Variants in DCTN1 observed in about 807,000 individuals in gnomAD.
The protein encoded by DCTN1 is 150 kDa dynein-associated polypeptide.
DCTN1 carries 61 observed loss-of-function variants against 161.2 expected under a neutral mutation model. The ratio of observed to expected loss-of-function variants is 0.38; its 90% CI spans 0.31 to 0.47. The LOEUF (loss-of-function observed/expected upper bound fraction) is 0.47, where lower values mean the gene tolerates loss of function less well. DCTN1 is among the 20% of genes least tolerant of loss of function. DCTN1 has a pLI of 0.99. For synonymous variants in DCTN1, 653 were observed against 632.4 expected, an observed-to-expected ratio of 1.03 and a Z score of -0.49; for missense variants, 1,404 against 1,623.7, an observed-to-expected ratio of 0.86 and a Z score of 2.33.
At chr2:74,382,191 T>G (rs1174748378), upstream of DCTN1, among the ~76,000 whole-genome samples, 1 of 152,206 alleles carries the variant, frequency 6.6e-6, no homozygotes, top group Non-Finnish European at 1.5e-5. Flanking sequence ...ACTAACCACA[T>G]AGGTATCAAT....
intron 5 of DCTN1, 43 bp from the exon 6 acceptor site, chr2:74,374,383 AAGAGGAGGGAC>A (rs1202336640): frequency 6.2e-7 from 1 of 1,612,266 alleles, no homozygotes; most frequent in Admixed American, 1.7e-5. Context: ...AAGGAGAGGA[AAGAGGAGGGAC>A]AGAGGAGGAT....
At chr2:74,374,454 C>T (rs1675099702) in intron 5 of DCTN1, 114 bp from the exon 6 acceptor site, 3 of 1,573,086 alleles carry the variant, frequency 1.9e-6, no homozygotes, top group Admixed American at 1.9e-5. Flanking sequence ...GGCAAGAGAC[C>T]GAACAGAGGG....
chr2:74,363,008 G>A lies in DCTN1; in HGVS notation c.3515C>T (p.Thr1172Ile), dbSNP rs1674130123. 10 of 1,613,468 alleles carry A rather than the reference G, an allele frequency of 6.2e-6. No homozygotes were observed. The highest frequency in any genetic ancestry group is 8.5e-6 in the Non-Finnish European group (10 of 1,179,730). ...CAGGTACATACCAGGGCTGGTGCGA[G>A]TGATGTCTACTACGTGCGTGTGTGT... ...LSTHTHVVDITRTSPAAKSPS... is the reference protein window; with the variant it reads ...LSTHTHVVDIIRTSPAAKSPS... The change falls in exon 29 of 32, where the codon ACT (threonine) becomes ATT (isoleucine). Residue 1172 changes from threonine (T) to isoleucine (I), a missense_variant. Physicochemically the swap from Thr to Ile is moderately conservative, Grantham distance 89 (BLOSUM62 -1). Coordinates refer to ENST00000628224, the MANE Select transcript of DCTN1 (RefSeq NM_004082.5).
Position 74,370,843 on chromosome 2 carries a change from G to C in DCTN1, c.844-18C>G. On this transcript the variant is annotated intron_variant, in intron 9 of 31. Transcript: ENST00000628224. The surrounding 1 kb of genome is among the most constrained non-coding windows in gnomAD (Gnocchi z 4.4). ...TTGGCTTCCTGAGGAAGAAGTGGAG[G>C]TGGGAGGGGGTACCAGCACAGAGAT... 1 of 1,614,134 alleles carries C rather than the reference G, an allele frequency of 6.2e-7. No homozygotes were observed. The highest frequency in any genetic ancestry group is 1.1e-5 in the South Asian group (1 of 91,088).
At position 74,362,110 on chromosome 2, in the gene DCTN1, CGCT is replaced by C. The variant is rs1364182022; in HGVS notation, c.3638_3640del (p.Gln1213del). ...GTCAGTGGGTACTGTGGCTCCAGGG[CGCT>C]GAGATACTGTCTCCTTGAGGACCTC... On this transcript the variant is annotated inframe_deletion, in exon 31 of 32. Transcript: ENST00000628224. 6.2e-7 allele frequency: 1 copy of C among 1,613,608 alleles called. No homozygotes were observed. Among genetic ancestry groups the C allele is most frequent in the Non-Finnish European group, 8.5e-7 (1 of 1,179,832 alleles).
chr2:74,387,916 T>C (rs57545492), intron 1 of DCTN1, among the ~76,000 whole-genome samples: 19,160 of 152,204 alleles, frequency 0.13, 1,589 homozygotes, highest in East Asian at 0.46. Context: ...CCAAGCACAG[T>C]GGCTACACCT....
intron 31 of DCTN1, 100 bp from the exon 32 acceptor site, chr2:74,361,736 G>A: frequency 1.4e-6 from 2 of 1,469,544 alleles, no homozygotes; most frequent in Non-Finnish European, 1.9e-6. Context: ...GCAGCTCCTG[G>A]GTGACTAGGG....
chr2:74,375,132 G>A (rs1675150279), intron 5 of DCTN1, among the ~76,000 whole-genome samples: 1 of 152,132 alleles, frequency 6.6e-6, no homozygotes, highest in Non-Finnish European at 1.5e-5. Flanking sequence ...TCAGCTCTGA[G>A]GAGCACACAC....
chr2:74,365,140 G>A lies in DCTN1; in HGVS notation c.3131C>T (p.Thr1044Met), dbSNP rs770717679. 1.2e-5 allele frequency: 20 copies of A among 1,614,040 alleles called. No individual in the cohort carries two copies. The highest frequency in any genetic ancestry group is 1.4e-5 in the Non-Finnish European group (17 of 1,180,048). Residue 1044 changes from threonine to methionine, a missense_variant, in exon 26 of 32, where the codon ACG becomes ATG. By Grantham distance (81) the Thr-to-Met change is moderately conservative. Transcript: ENST00000628224. ...AGGAGGGCCCCGGAGTCCCTCAATC[G>A]TGCGTTTGGACTGGCTGTTCAGACG... The part of the protein sequence containing the change: ...KQRLNSQSKR[T>M]IEGLRGPPPS...
chr2:74,378,485 T>C (rs1032315487), intron 1 of DCTN1, among the ~76,000 whole-genome samples: 2 of 152,240 alleles, frequency 1.3e-5, no homozygotes, highest in Admixed American at 6.5e-5. Flanking sequence ...ATATTTTTTA[T>C]AACAAATCAG....
chr2:74,366,869 T>C lies in DCTN1; in HGVS notation c.2380A>G (p.Ile794Val). 2 of 1,614,244 alleles carry C rather than the reference T, an allele frequency of 1.2e-6. No homozygotes were observed. The highest frequency in any genetic ancestry group is 1.7e-6 in the Non-Finnish European group (2 of 1,180,042). The change falls in exon 21 of 32, where the codon ATC (isoleucine) becomes GTC (valine). Residue 794 changes from isoleucine (I) to valine (V), a missense_variant. Coordinates refer to ENST00000628224, the MANE Select transcript of DCTN1 (RefSeq NM_004082.5). ...LRDLETSCSD[I>V]RQFCKKIRRR... ...CGGATCTTCTTGCAGAACTGGCGGA[T>C]GTCACTGCATGAAGTTTCCAGATCC...
In DCTN1 at chr2:74,378,179, C is replaced by G. The variant is rs151052060; in HGVS notation, c.100G>C (p.Glu34Gln). ...CCTCGGTGGCCTTTTCCAATCACCTCTACACGGGAGCCCACCCGCAGAGGC... is the reference window on the plus strand; with the variant it reads ...CCTCGGTGGCCTTTTCCAATCACCTGTACACGGGAGCCCACCCGCAGAGGC... ...ARPLRVGSRV[E>Q]VIGKGHRGTV... The change falls in exon 2 of 32, where the codon GAG (glutamate) becomes CAG (glutamine). Residue 34 changes from glutamate to glutamine, a missense_variant. Glu to Gln is a conservative substitution (Grantham distance 29, BLOSUM62 2). Coordinates refer to ENST00000628224, the MANE Select transcript of DCTN1 (RefSeq NM_004082.5). 119 of 1,613,796 alleles carry G rather than the reference C, an allele frequency of 7.4e-5. No homozygotes were observed. Among genetic ancestry groups the G allele is most frequent in the Non-Finnish European group, 9.5e-5 (112 of 1,180,052 alleles).
chr2:74,380,325 T>C, upstream of DCTN1: 2 of 561,954 alleles, frequency 3.6e-6, no homozygotes, highest in South Asian at 3.7e-5. Flanking sequence ...CTAGTGCTGC[T>C]CTAGACTTGT....
chr2:74,380,425 C>T, upstream of DCTN1: 1 of 495,840 alleles, frequency 2.0e-6, no homozygotes, highest in Middle Eastern at 3.1e-4. Flanking sequence ...AGACCCTCAG[C>T]ACTCAACTCT....
At chr2:74,361,939 GGTAT>G in intron 31 of DCTN1, 109 bp downstream of exon 31, 9 of 1,174,702 alleles carry the variant, frequency 7.7e-6, no homozygotes, top group Non-Finnish European at 1.1e-5. Flanking sequence ...GATAACCCAA[GGTAT>G]GCAGTTGTTA....
In DCTN1 at chr2:74,370,493, T is replaced by C. The variant is rs1376646191; in HGVS notation, c.1100A>G (p.Asn367Ser). ...SYQLKQLEEQNARLKDALVRM... is the reference protein window; with the variant it reads ...SYQLKQLEEQSARLKDALVRM... ...CACCAGGGCATCCTTCAGGCGGGCA[T>C]TCTGCTCCTCAAGCTGCTTGAGCTG... Residue 367 changes from asparagine to serine, a missense_variant, in exon 11 of 32, where the codon AAT (asparagine) becomes AGT (serine). This residue lies in a region of DCTN1 where 278 missense variants were observed against 363.8 expected (regional missense o/e 0.76). Coordinates refer to ENST00000628224, the MANE Select transcript of DCTN1 (RefSeq NM_004082.5). The surrounding 1 kb of genome is among the most constrained non-coding windows in gnomAD (Gnocchi z 4.4). 2 of 1,614,214 alleles carry C rather than the reference T, an allele frequency of 1.2e-6. No individual in the cohort carries two copies. The highest frequency in any genetic ancestry group is 1.7e-5 in the Admixed American group (1 of 60,030).
chr2:74,375,727 T>C (rs1453555225), intron 5 of DCTN1, among the ~76,000 whole-genome samples: 5 of 152,206 alleles, frequency 3.3e-5, no homozygotes, highest in Admixed American at 3.3e-4. Context: ...CCCAGGATCC[T>C]TCACAGCATT....
chr2:74,365,985 G>C lies in DCTN1; in HGVS notation c.2794C>G (p.Arg932Gly), dbSNP rs373818927. 2 of 1,614,110 alleles carry C rather than the reference G, an allele frequency of 1.2e-6. No individual in the cohort carries two copies. The highest frequency in any genetic ancestry group is 1.7e-6 in the Non-Finnish European group (2 of 1,180,052). Residue 932 changes from arginine to glycine, a missense_variant, in exon 24 of 32, where the codon CGT becomes GGT. Arg to Gly is a moderately radical substitution (Grantham distance 125). This residue lies in a region of DCTN1 where 475 missense variants were observed against 489.8 expected (regional missense o/e 0.97). Transcript: ENST00000628224. ...CCTTCAGCATCTGTGATCTCTGCAC[G>C]AAGGGCAGCAGCCCGCAGTTCAACC... ...PPVELRAAAL[R>G]AEITDAEGLG...
In DCTN1 at chr2:74,361,449, G is replaced by A. The variant is rs746888495; in HGVS notation, c.*50C>T. ...CTGAGGTGGCTGTGCATCGGGCAGA[G>A]CGGCACCAGAGGGCTGAGGGTCGAA... is the stretch of plus-strand genomic sequence containing the variant. On this transcript the variant is annotated 3_prime_UTR_variant, in exon 32 of 32. Transcript: ENST00000628224. 3.1e-6 allele frequency: 5 copies of A among 1,612,708 alleles called. No individual in the cohort carries two copies. The highest frequency in any genetic ancestry group is 1.1e-5 in the South Asian group (1 of 90,988).
Sources: allele counts gnomAD v4.1 joint callset (sites outside exome capture counted in the v4.1 genomes callset), GRCh38; gene constraint gnomAD v4.1.1; regional missense constraint gnomAD v4.1.1; non-coding constraint Gnocchi (gnomAD v3.1); transcripts MANE v1.5; gene names NCBI Gene and HGNC (gene_info 2026-07-23, HGNC 2026-07-21).